KLHL30: variants seen among roughly 807,000 people sequenced by gnomAD.
KLHL30 encodes the protein kelch-like protein 30.
A neutral mutation model predicts 55.0 loss-of-function variants in KLHL30; 55 were observed. The ratio of observed to expected loss-of-function variants is 1.00; its 90% CI spans 0.80 to 1.25. The LOEUF (loss-of-function observed/expected upper bound fraction) is 1.25. KLHL30 is among the 50% of genes most tolerant of loss of function. The probability of loss-of-function intolerance (pLI) is 0.00; values close to 1 mark genes in which losing one functional copy is unlikely to be tolerated. For missense variants in KLHL30, 786 were observed against 811.6 expected (o/e 0.97, Z 0.38); for synonymous variants, 356 against 372.6 (o/e 0.96, Z 0.51).
rs367968408 is a variant in KLHL30 at position 238,147,938 on chromosome 2, G to A, written c.1255G>A (p.Gly419Ser). 120 of 1,592,252 alleles carry A rather than the reference G, an allele frequency of 7.5e-5. No individual in the cohort carries two copies. The highest frequency in any genetic ancestry group is 1.6e-4 in the Admixed American group (9 of 57,502). Reference protein sequence around the residue: ...LKYVSNFSAAGCRGRLYLVGS... With the variant: ...LKYVSNFSAASCRGRLYLVGS... ...ATACGTCAGCAACTTCTCGGCTGCCGGCTGCCGGGGCCGGCTCTACCTGGT... is the reference window on the plus strand; with the variant it reads ...ATACGTCAGCAACTTCTCGGCTGCCAGCTGCCGGGGCCGGCTCTACCTGGT... Residue 419 changes from glycine (G) to serine (S), a missense_variant, in exon 6 of 8, where the codon GGC becomes AGC. Gly to Ser is a moderately conservative substitution (Grantham distance 56). Coordinates refer to ENST00000409223, the MANE Select transcript of KLHL30 (RefSeq NM_198582.4). This position sits in a 1 kb window ranked among gnomAD's most constrained non-coding sequence, Gnocchi z 5.8.
chr2:238,139,885 C>T (rs576270819), intron 1 of KLHL30, among the ~76,000 whole-genome samples: 1 of 152,342 alleles, frequency 6.6e-6, no homozygotes, highest in Admixed American at 6.5e-5. Flanking sequence ...GGACATAAAC[C>T]ACATGCACAT....
intron 6 of KLHL30, 107 bp from the exon 7 acceptor site, chr2:238,148,900 T>C: frequency 1.7e-6 from 2 of 1,148,260 alleles, no homozygotes; most frequent in Non-Finnish European, 2.5e-6. Flanking sequence ...ACAGGTTCAC[T>C]GAGGTTCAGA....
intron 1 of KLHL30, 116 bp from the exon 2 acceptor site, chr2:238,140,569 T>C (rs1692512726): frequency 1.3e-5 from 8 of 594,778 alleles, no homozygotes; most frequent in Admixed American, 1.0e-4. Flanking sequence ...TGGCATATGG[T>C]CGATGCCCAT....
chr2:238,142,739 G>T, intron 2 of KLHL30, 60 bp from the exon 3 acceptor site: 1 of 1,335,954 alleles, frequency 7.5e-7, no homozygotes, highest in Non-Finnish European at 9.6e-7. Flanking sequence ...CAGGACACGC[G>T]GGGGCTCAGG....
intron 3 of KLHL30, among the ~76,000 whole-genome samples, chr2:238,144,366 G>A (rs1429814533): frequency 1.4e-5 from 2 of 146,764 alleles, no homozygotes; most frequent in Non-Finnish European, 3.0e-5. Context: ...CAGGGAGGGT[G>A]CTCGGAAGGA....
At chr2:238,141,862 G>A (rs952104792) in intron 2 of KLHL30, among the ~76,000 whole-genome samples, 1 of 152,192 alleles carries the variant, frequency 6.6e-6, no homozygotes, top group Non-Finnish European at 1.5e-5. Flanking sequence ...TGCCTAGGAC[G>A]CATTCTGGGT....
rs1692669174 is a variant in KLHL30 at position 238,147,566 on chromosome 2, C to T, written c.1151-268C>T. 6.6e-6 allele frequency among the ~76,000 whole-genome samples: 1 copy of T among 152,144 alleles called. No individual in the cohort carries two copies. The highest frequency in any genetic ancestry group is 2.4e-5 in the African/African-American group (1 of 41,430). On this transcript the variant is annotated intron_variant, in intron 5 of 7. Coordinates refer to ENST00000409223, the MANE Select transcript of KLHL30 (RefSeq NM_198582.4). This position sits in a 1 kb window ranked among gnomAD's most constrained non-coding sequence, Gnocchi z 5.8. ...GGCGGGCAGCCTCCTGACAGCTCCC[C>T]GCCACCCCGTTCCCAAACATCAGCC...
Position 238,140,941 on chromosome 2 carries a change from G to A in KLHL30, c.187G>A (p.Ala63Thr), listed in dbSNP as rs1339624779. 6.2e-7 allele frequency: 1 copy of A among 1,611,624 alleles called. No individual in the cohort carries two copies. Among genetic ancestry groups the A allele is most frequent in the African/African-American group, 1.3e-5 (1 of 75,046 alleles). The change falls in exon 2 of 8, where the codon GCG (alanine) becomes ACG (threonine). Residue 63 changes from alanine to threonine, a missense_variant. Coordinates refer to ENST00000409223, the MANE Select transcript of KLHL30 (RefSeq NM_198582.4). ...CAGCCCCTACTTCCATGCCATGTTT[G>A]CGGGTGACTTCGCCGAGAGCTTCTC... ...LSSPYFHAMFAGDFAESFSAR... is the reference protein window; with the variant it reads ...LSSPYFHAMFTGDFAESFSAR...
At position 238,149,027 on chromosome 2, in the gene KLHL30, TCG is replaced by T. The variant is rs1233061272; in HGVS notation, c.1362_1363del (p.Pro455LeufsTer49). ...CACAGATGCGTGGAGTGTGATCGCC[TCG>T]CCCTTCCTGCCCAAGTACCTGTCCT... ...PVTDAWSVIASPFLPKYLSSP... is the reference protein window; with the variant it reads ...PVTDAWSVIAXPFLPKYLSSP... On this transcript the variant is annotated frameshift_variant, in exon 7 of 8. Coordinates refer to ENST00000409223, the MANE Select transcript of KLHL30 (RefSeq NM_198582.4). LOFTEE classifies it high-confidence loss of function. 2 of 1,608,436 alleles carry T rather than the reference TCG, an allele frequency of 1.2e-6. No homozygotes were observed. The highest frequency in any genetic ancestry group is 2.7e-5 in the African/African-American group (2 of 74,866).
In KLHL30 at chr2:238,152,290, G is replaced by C. The variant is rs533519879; in HGVS notation, c.*1225G>C. On this transcript the variant is annotated 3_prime_UTR_variant, in exon 8 of 8. Transcript: ENST00000409223. The stretch of plus-strand genomic sequence containing the variant: ...TCTGACATCCTTGGGTTCTGAGGAC[G>C]GAAACCCCTGAGCCTCTTGAGCTTC... The C allele has an allele frequency of 1.1e-6, 1 of 899,782 alleles. No individual in the cohort carries two copies. Among genetic ancestry groups the C allele is most frequent in the Non-Finnish European group, 1.3e-6 (1 of 752,028 alleles). The allele number at this position is 899,782 out of a possible 1,614,324, so 55.7% of individuals were successfully genotyped here.
At position 238,140,571 on chromosome 2, in the gene KLHL30, G is replaced by A. The variant is rs183897410; in HGVS notation, c.-70-114G>A. ...GGGGTAAAGTGACTGGCATATGGTC[G>A]ATGCCCATCCTGTGTTTATCAAGGG... On this transcript the variant is annotated intron_variant, in intron 1 of 7. Transcript: ENST00000409223. 1,543 of 597,752 alleles carry A rather than the reference G, an allele frequency of 2.6e-3. 2 individuals are homozygous for A. The highest frequency in any genetic ancestry group is 7.0e-3 in the Admixed American group (205 of 29,198). 37.0% of individuals were successfully genotyped at this position (597,752 alleles called of 1,614,324 possible).
rs1443404140 is a variant in KLHL30, at chr2:238,141,531, G to T, written c.774+3G>T. 7.0e-7 allele frequency: 1 copy of T among 1,438,784 alleles called. No homozygotes were observed. 89.1% of individuals were successfully genotyped at this position (1,438,784 alleles called of 1,614,324 possible). ...CCCTGTCCCAGGGCCATGATGGGGT[G>T]AGTGAGCGGCTGGGAGGCCCCATCC... On this transcript the variant is annotated splice_donor_region_variant and intron_variant, in intron 2 of 7. Transcript: ENST00000409223.
rs374220138 is a variant in KLHL30, at chr2:238,147,652, C to A, written c.1151-182C>A. On this transcript the variant is annotated intron_variant, in intron 5 of 7. Coordinates refer to ENST00000409223, the MANE Select transcript of KLHL30 (RefSeq NM_198582.4). This position sits in a 1 kb window ranked among gnomAD's most constrained non-coding sequence, Gnocchi z 5.8. ...CGAGTGTCCACCCCCACCCCCACCA[C>A]TTCCTGGCGGGGCGGCCTTGGGAGG... Among the ~76,000 whole-genome samples, 7 of 152,304 alleles carry A rather than the reference C, an allele frequency of 4.6e-5. No homozygotes were observed. In the South Asian group the frequency reaches 1.2e-3, roughly 27 times the overall value.
At position 238,150,919 on chromosome 2, in the gene KLHL30, G is replaced by A. The variant is rs546808202; in HGVS notation, c.1591G>A (p.Val531Met). 3.5e-5 allele frequency: 56 copies of A among 1,596,940 alleles called. No individual in the cohort carries two copies. The highest frequency in any genetic ancestry group is 4.3e-5 in the Non-Finnish European group (51 of 1,173,050). ...GCAGGGCATGGAAGGTGACTACCAC[G>A]TGGAGATGGAGGCCTACGACACGGT... ...RWQGMEGDYH[V>M]EMEAYDTVRD... Residue 531 changes from valine to methionine, a missense_variant, in exon 8 of 8, where the codon GTG becomes ATG. By Grantham distance (21) the Val-to-Met change is conservative. Transcript: ENST00000409223.
In KLHL30 at chr2:238,152,179, G is replaced by A. The variant is rs561724915; in HGVS notation, c.*1114G>A. The A allele has an allele frequency of 1.0e-6, 1 of 985,448 alleles. No homozygotes were observed. The highest frequency in any genetic ancestry group is 1.1e-4 in the East Asian group (1 of 8,794). 61.0% of individuals were successfully genotyped at this position (985,448 alleles called of 1,614,324 possible). A position where few individuals can be genotyped will look rare whatever the true frequency, so the allele number is the denominator to read the frequency against. On this transcript the variant is annotated 3_prime_UTR_variant, in exon 8 of 8. Transcript: ENST00000409223. ...GCCCCAGAGGCCCTGGGCAGCTCCG[G>A]TCTCCCGCCGGATCCAGGCTTCCTC...
Position 238,142,790 on chromosome 2 carries a change from AC to A in KLHL30, c.775-5del. 1 of 1,386,598 alleles carries A rather than the reference AC, an allele frequency of 7.2e-7. No homozygotes were observed. The highest frequency in any genetic ancestry group is 1.9e-5 in the South Asian group (1 of 53,760). The allele number at this position is 1,386,598 out of a possible 1,614,324, so 85.9% of individuals were successfully genotyped here. On this transcript the variant is annotated splice_polypyrimidine_tract_variant and splice_region_variant and intron_variant, in intron 2 of 7. Transcript: ENST00000409223. ...GCTGTTGCCCTGACCCTGGCCTCCC[AC>A]CCCACAGGCACCACTCGCCCTCCAG...
chr2:238,145,103 T>G, intron 4 of KLHL30, 115 bp downstream of exon 4: 1 of 811,798 alleles, frequency 1.2e-6, no homozygotes, highest in Non-Finnish European at 2.0e-6. Flanking sequence ...GCCGAGGCCT[T>G]TCCATGCATG....
intron 1 of KLHL30, among the ~76,000 whole-genome samples, chr2:238,139,881 A>C (rs949423839): frequency 6.6e-6 from 1 of 152,202 alleles, no homozygotes; most frequent in African/African-American, 2.4e-5. Flanking sequence ...AGAAGGACAT[A>C]AACCACATGC....
At chr2:238,145,442 A>G (rs1432113273) in intron 4 of KLHL30, among the ~76,000 whole-genome samples, 1 of 152,098 alleles carries the variant, frequency 6.6e-6, no homozygotes, top group Non-Finnish European at 1.5e-5. Flanking sequence ...TTGGGAGGGG[A>G]TAAGCTTCTG....
Sources: gnomAD v4.1 joint callset for allele counts (sites outside exome capture counted in the v4.1 genomes callset) on GRCh38, gnomAD v4.1.1 for gene constraint, Gnocchi (gnomAD v3.1) non-coding constraint, MANE v1.5 for transcripts, NCBI Gene and HGNC (gene_info 2026-07-23, HGNC 2026-07-21) for gene names.